HCN1: variants seen among roughly 807,000 people sequenced by gnomAD.
HCN1 encodes hyperpolarization activated cyclic nucleotide gated potassium channel 1.
In HCN1, 13 loss-of-function variants were observed where a neutral mutation model predicts 78.9. The observed-to-expected ratio is 0.16, with a 90% CI of 0.11 to 0.26. The LOEUF (loss-of-function observed/expected upper bound fraction) is 0.26, where lower values mean the gene tolerates loss of function less well. HCN1 is among the 10% of genes least tolerant of loss of function. The pLI is 1.00. For missense variants in HCN1, 810 were observed against 1,154.3 expected, an observed-to-expected ratio of 0.70 and a Z score of 4.32; for synonymous variants, 552 against 455.5, an observed-to-expected ratio of 1.21 and a Z score of -2.70.
chr5:45,522,531 T>C (rs1742636260), intron 2 of HCN1, among the ~76,000 whole-genome samples: 1 of 151,992 alleles, frequency 6.6e-6, no homozygotes, highest in Non-Finnish European at 1.5e-5. Context: ...TTAATCTTAC[T>C]TAAATTGCCT....
chr5:45,524,451 C>T (rs1199954155), intron 2 of HCN1, among the ~76,000 whole-genome samples: 3 of 152,106 alleles, frequency 2.0e-5, no homozygotes, highest in African/African-American at 7.2e-5. Context: ...TTACCTTGGG[C>T]AGTATGGCCA....
intron 2 of HCN1, among the ~76,000 whole-genome samples, chr5:45,580,559 T>C (rs1035009316): frequency 1.3e-5 from 2 of 152,140 alleles, no homozygotes; most frequent in African/African-American, 4.8e-5. Flanking sequence ...TATTATACTT[T>C]TAAGTTTTAG....
chr5:45,277,783 G>C (rs1428547478), intron 6 of HCN1, among the ~76,000 whole-genome samples: 2 of 152,114 alleles, frequency 1.3e-5, no homozygotes, highest in Non-Finnish European at 2.9e-5. Flanking sequence ...TCTGGCTGGA[G>C]AACTCTTTCG....
chr5:45,500,254 G>A (rs1450649419), intron 2 of HCN1, among the ~76,000 whole-genome samples: 1 of 152,126 alleles, frequency 6.6e-6, no homozygotes, highest in African/African-American at 2.4e-5. Context: ...AAACTCTGGA[G>A]TTCAGGATAA....
At chr5:45,647,549 ATC>A (rs1745574335) in intron 1 of HCN1, among the ~76,000 whole-genome samples, 2 of 152,074 alleles carry the variant, frequency 1.3e-5, no homozygotes, top group African/African-American at 4.8e-5. Flanking sequence ...TTATACACTT[ATC>A]CATGCCTTTA....
chr5:45,361,737 A>G (rs1375298752), intron 4 of HCN1, among the ~76,000 whole-genome samples: 6 of 152,148 alleles, frequency 3.9e-5, no homozygotes, highest in Non-Finnish European at 8.8e-5. Flanking sequence ...ATTCAAAAGA[A>G]CTTGGAAGTT....
chr5:45,373,735 T>G (rs1296670163), intron 4 of HCN1, among the ~76,000 whole-genome samples: 1 of 122,516 alleles, frequency 8.2e-6, no homozygotes, highest in Non-Finnish European at 1.6e-5. Flanking sequence ...ATATACGTCA[T>G]CTATAATATA....
rs559180938 is a variant in HCN1 at position 45,260,569 on chromosome 5, T to C, written c.*1352A>G. On this transcript the variant is annotated 3_prime_UTR_variant, in exon 8 of 8. Transcript: ENST00000303230. ...GTTTACTAACCATTTAGTTACAATA[T>C]ACATAGAGCAAAATGTGTGTTCCCA... 7.3e-4 allele frequency: 112 copies of C among 152,598 alleles called. No homozygotes were observed. The highest frequency in any genetic ancestry group is 2.5e-3 in the African/African-American group (104 of 41,580). The allele number at this position is 152,598 out of a possible 1,614,324, so 9.5% of individuals were successfully genotyped here.
chr5:45,577,163 G>A (rs1181739034), intron 2 of HCN1, among the ~76,000 whole-genome samples: 1 of 151,958 alleles, frequency 6.6e-6, no homozygotes, highest in Non-Finnish European at 1.5e-5. Context: ...AATATTGTTG[G>A]AGCTGAATAA....
At chr5:45,479,302 G>A (rs1231832058) in intron 2 of HCN1, among the ~76,000 whole-genome samples, 1 of 151,990 alleles carries the variant, frequency 6.6e-6, no homozygotes, top group Non-Finnish European at 1.5e-5. Context: ...AGATTATATT[G>A]GAAGCTTGAA....
At chr5:45,657,696 C>T (rs1352278776) in intron 1 of HCN1, among the ~76,000 whole-genome samples, 1 of 151,972 alleles carries the variant, frequency 6.6e-6, no homozygotes, top group Non-Finnish European at 1.5e-5. Context: ...ATGTGAAGGA[C>T]CTCTTTAAGG....
intron 3 of HCN1, among the ~76,000 whole-genome samples, chr5:45,452,429 CAGGTAGTA>C (rs937555530): frequency 6.7e-6 from 1 of 149,938 alleles, no homozygotes; most frequent in African/African-American, 2.5e-5. Context: ...TTTTGTCACG[CAGGTAGTA>C]AGTATAGTAC....
At chr5:45,551,633 G>A (rs1483305) in intron 2 of HCN1, among the ~76,000 whole-genome samples, 8,449 of 151,806 alleles carry the variant, frequency 0.056, 305 homozygotes, top group East Asian at 0.15. Flanking sequence ...ATCATAATAC[G>A]AAATTTCATT....
chr5:45,552,857 T>C (rs1362509178), intron 2 of HCN1, among the ~76,000 whole-genome samples: 2 of 151,922 alleles, frequency 1.3e-5, no homozygotes, highest in African/African-American at 4.8e-5. Context: ...TGGCATAATG[T>C]ATATGATAAA....
chr5:45,624,584 A>T (rs1000514702), intron 2 of HCN1, among the ~76,000 whole-genome samples: 1 of 152,146 alleles, frequency 6.6e-6, no homozygotes, highest in African/African-American at 2.4e-5. Flanking sequence ...TTTTGGTTTA[A>T]CAGGAAAAAA....
chr5:45,384,152 G>A (rs1197450723), intron 4 of HCN1, among the ~76,000 whole-genome samples: 7 of 152,194 alleles, frequency 4.6e-5, no homozygotes, highest in East Asian at 1.9e-4. Flanking sequence ...AACAGCCACC[G>A]TATATACTCA....
At chr5:45,449,818 A>C (rs1740879010) in intron 3 of HCN1, among the ~76,000 whole-genome samples, 1 of 152,132 alleles carries the variant, frequency 6.6e-6, no homozygotes, top group Non-Finnish European at 1.5e-5. Context: ...GAATATTGAA[A>C]TTGTAAGAAC....
At chr5:45,317,817 C>T (rs1429251187) in intron 5 of HCN1, among the ~76,000 whole-genome samples, 3 of 152,140 alleles carry the variant, frequency 2.0e-5, no homozygotes, top group South Asian at 4.1e-4. Flanking sequence ...TGAAAAAATG[C>T]TCATCATCAC....
intron 2 of HCN1, among the ~76,000 whole-genome samples, chr5:45,464,628 CTTTA>C (rs1224862723): frequency 6.6e-6 from 1 of 152,118 alleles, no homozygotes; most frequent in Admixed American, 6.6e-5. Context: ...ATATCTTCAT[CTTTA>C]TTTATCTAAC....
Sources: allele counts gnomAD v4.1 joint callset (sites outside exome capture counted in the v4.1 genomes callset), GRCh38; gene constraint gnomAD v4.1.1; transcripts MANE v1.5; gene names NCBI Gene and HGNC (gene_info 2026-07-23, HGNC 2026-07-21).